GNAQ: variants seen among roughly 807,000 people sequenced by gnomAD.
GNAQ encodes guanine nucleotide-binding protein G(q) subunit alpha.
GNAQ carries 8 observed loss-of-function variants against 43.9 expected under a neutral mutation model. The observed-to-expected ratio is 0.18, with a 90% CI of 0.11 to 0.33. The LOEUF (loss-of-function observed/expected upper bound fraction) is 0.33. GNAQ is among the 10% of genes least tolerant of loss of function. The pLI, the probability that GNAQ is intolerant of heterozygous loss-of-function variation, is 1.00. For missense variants in GNAQ, 158 were observed against 450.8 expected (o/e 0.35, Z 5.88); for synonymous variants, 155 against 170.7 (o/e 0.91, Z 0.71).
chr9:77,922,454 A>T, intron 1 of GNAQ, 109 bp from the exon 2 acceptor site: 45 of 690,538 alleles, frequency 6.5e-5, no homozygotes, highest in East Asian at 1.1e-4. Flanking sequence ...TAGCCTGCTG[A>T]GAGGAGCGAC....
chr9:77,790,869 C>T (rs888589918), intron 5 of GNAQ, among the ~76,000 whole-genome samples: 2 of 152,170 alleles, frequency 1.3e-5, no homozygotes, highest in Non-Finnish European at 2.9e-5. Flanking sequence ...GTCCCCGCCA[C>T]GGTGAGGTCA....
intron 1 of GNAQ, among the ~76,000 whole-genome samples, chr9:78,001,196 G>C (rs1441547749): frequency 6.6e-6 from 1 of 152,058 alleles, no homozygotes; most frequent in Non-Finnish European, 1.5e-5. Context: ...TCAGGAGTTA[G>C]AGACCAGCCT....
intron 2 of GNAQ, among the ~76,000 whole-genome samples, chr9:77,881,192 C>T (rs1003405797): frequency 6.6e-6 from 1 of 151,984 alleles, no homozygotes; most frequent in African/African-American, 2.4e-5. Context: ...TATTTTATGC[C>T]GCACCCCCCC....
intron 5 of GNAQ, among the ~76,000 whole-genome samples, chr9:77,743,115 G>A (rs1424721616): frequency 5.3e-5 from 8 of 152,068 alleles, no homozygotes; most frequent in Admixed American, 2.6e-4. Flanking sequence ...AAAATTAGCC[G>A]GGCGTAGGGG....
At chr9:77,846,026 C>T (rs1827579125) in intron 2 of GNAQ, among the ~76,000 whole-genome samples, 1 of 152,152 alleles carries the variant, frequency 6.6e-6, no homozygotes, top group African/African-American at 2.4e-5. Context: ...GTGTATTATC[C>T]TTGAGGAAAC....
At chr9:77,955,705 GAATT>G (rs1391417774) in intron 1 of GNAQ, among the ~76,000 whole-genome samples, 5 of 152,118 alleles carry the variant, frequency 3.3e-5, no homozygotes, top group African/African-American at 1.2e-4. Context: ...TTAATTTTAT[GAATT>G]AATCTAAACT....
At chr9:78,029,240 A>C (rs1163873040) in intron 1 of GNAQ, among the ~76,000 whole-genome samples, 1 of 152,176 alleles carries the variant, frequency 6.6e-6, no homozygotes, top group Non-Finnish European at 1.5e-5. Flanking sequence ...AGAGACCTCA[A>C]CTGCCCAGTT....
chr9:77,804,988 C>G (rs1031710416), intron 3 of GNAQ, among the ~76,000 whole-genome samples: 2 of 151,772 alleles, frequency 1.3e-5, no homozygotes, highest in Non-Finnish European at 2.9e-5. Flanking sequence ...GCACTGGAAG[C>G]TAAAGAGAAA....
chr9:77,752,087 G>C (rs1825821636), intron 5 of GNAQ, among the ~76,000 whole-genome samples: 1 of 152,160 alleles, frequency 6.6e-6, no homozygotes, highest in African/African-American at 2.4e-5. Flanking sequence ...CAGTGGGAAG[G>C]AAAAATTCAT....
intron 2 of GNAQ, among the ~76,000 whole-genome samples, chr9:77,825,689 G>C (rs1271354287): frequency 3.9e-5 from 6 of 152,190 alleles, no homozygotes; most frequent in Admixed American, 3.9e-4. Flanking sequence ...GCAGAATCTA[G>C]AAATACAAAG....
At chr9:77,848,248 T>A (rs1313748963) in intron 2 of GNAQ, among the ~76,000 whole-genome samples, 1 of 152,110 alleles carries the variant, frequency 6.6e-6, no homozygotes, top group African/African-American at 2.4e-5. Context: ...TTCTTCCCCC[T>A]CAGTAAAGTT....
At chr9:77,921,599 T>C (rs943382846) in intron 2 of GNAQ, among the ~76,000 whole-genome samples, 2 of 152,256 alleles carry the variant, frequency 1.3e-5, no homozygotes, top group Non-Finnish European at 2.9e-5. Context: ...CAAGTGGTTT[T>C]AGAAGTTTCT....
At chr9:77,968,418 C>T (rs1402745613) in intron 1 of GNAQ, among the ~76,000 whole-genome samples, 5 of 152,060 alleles carry the variant, frequency 3.3e-5, no homozygotes, top group African/African-American at 1.2e-4. Context: ...AAGTGTTTTC[C>T]AATTCTTATA....
chr9:77,966,409 T>C (rs1198942383), intron 1 of GNAQ, among the ~76,000 whole-genome samples: 2 of 152,224 alleles, frequency 1.3e-5, no homozygotes, highest in Non-Finnish European at 2.9e-5. Flanking sequence ...TAGGATCGTA[T>C]TACCTACAAG....
chr9:77,998,085 C>T (rs558501252), intron 1 of GNAQ, among the ~76,000 whole-genome samples: 3 of 152,326 alleles, frequency 2.0e-5, no homozygotes, highest in African/African-American at 4.8e-5. Context: ...CATGTACACA[C>T]ACGCTGGCGA....
At chr9:77,772,857 T>A (rs559726858) in intron 5 of GNAQ, among the ~76,000 whole-genome samples, 1 of 152,356 alleles carries the variant, frequency 6.6e-6, no homozygotes, top group East Asian at 1.9e-4. Context: ...GAGAAGGAAC[T>A]GTCTTGGGCC....
intron 2 of GNAQ, among the ~76,000 whole-genome samples, chr9:77,864,745 G>A (rs1827920871): frequency 6.6e-6 from 1 of 152,220 alleles, no homozygotes; most frequent in Non-Finnish European, 1.5e-5. Flanking sequence ...AATGGTTTAA[G>A]TTACTAAACT....
At chr9:77,791,145 A>T (rs1425501942) in intron 5 of GNAQ, among the ~76,000 whole-genome samples, 2 of 152,224 alleles carry the variant, frequency 1.3e-5, no homozygotes, top group East Asian at 3.8e-4. Context: ...TTCAAAGCTC[A>T]CATTCAAAGA....
intron 1 of GNAQ, among the ~76,000 whole-genome samples, chr9:77,944,862 A>C (rs537479898): frequency 1.3e-5 from 2 of 152,342 alleles, no homozygotes; most frequent in Admixed American, 6.5e-5. Flanking sequence ...ATACTTTACG[A>C]AACAGCTAGT....
Sources: allele counts gnomAD v4.1 joint callset (sites outside exome capture counted in the v4.1 genomes callset), GRCh38; gene constraint gnomAD v4.1.1; transcripts MANE v1.5; gene names NCBI Gene and HGNC (gene_info 2026-07-23, HGNC 2026-07-21).